PROSER1: variants seen among roughly 807,000 people sequenced by gnomAD.
PROSER1 encodes proline and serine-rich protein 1.
Under a neutral mutation model 71.8 loss-of-function variants are expected in PROSER1, and 36 were observed. That is an observed-to-expected ratio of 0.50 (90% confidence interval 0.38 to 0.66). The LOEUF is 0.66. PROSER1 is among the 30% of genes least tolerant of loss of function. The pLI, the probability that PROSER1 is intolerant of heterozygous loss-of-function variation, is 0.00. For missense variants in PROSER1, 1,107 were observed against 1,135.0 expected (o/e 0.98, Z 0.35); for synonymous variants, 490 against 452.4 (o/e 1.08, Z -1.06).
rs570233740 is a variant in PROSER1 at position 39,037,996 on chromosome 13, C to G, written c.-754G>C. Reference sequence around the variant, plus strand: ...CGCCAGACGCCCTGCCTGGTTACCCCTACAGCCCCCACCAGCTCATGGGGA... The same window carrying G: ...CGCCAGACGCCCTGCCTGGTTACCCGTACAGCCCCCACCAGCTCATGGGGA... On this transcript the variant is annotated 5_prime_UTR_variant, in exon 1 of 13. It removes the in-frame stop codon of an upstream open reading frame in the 5' UTR. Transcript: ENST00000352251. The G allele has an allele frequency of 6.5e-6, 1 of 152,964 alleles. No individual in the cohort carries two copies. The highest frequency in any genetic ancestry group is 1.9e-4 in the East Asian group (1 of 5,174). 9.5% of individuals were successfully genotyped at this position (152,964 alleles called of 1,614,324 possible).
chr13:39,024,146 TCACTAA>T (rs1445906950), intron 7 of PROSER1, among the ~76,000 whole-genome samples: 5 of 152,196 alleles, frequency 3.3e-5, no homozygotes, highest in African/African-American at 4.8e-5. Flanking sequence ...CACTGTGGTT[TCACTAA>T]CACTAATTCA....
Position 39,024,495 on chromosome 13 carries a change from C to T in PROSER1, c.542G>A (p.Arg181Gln), listed in dbSNP as rs776374774. 21 of 1,608,966 alleles carry T rather than the reference C, an allele frequency of 1.3e-5. No homozygotes were observed. In the South Asian group the frequency reaches 1.4e-4, roughly 11 times the overall value. ...CTNEGKGIAA[R>Q]ILGPSKPPPS... ...TACTGGTTTGGATGGCCCAAGAATT[C>T]GTGCAGCTATTCCTTTGCCTTCGTT... Residue 181 changes from arginine (R) to glutamine (Q), a missense_variant, in exon 7 of 13, where the codon CGA (arginine) becomes CAA (glutamine). Arg to Gln is a conservative substitution (Grantham distance 43, BLOSUM62 1). Coordinates refer to ENST00000352251, the MANE Select transcript of PROSER1 (RefSeq NM_025138.5).
rs1402155872 is a variant in PROSER1 at position 39,012,681 on chromosome 13, A to G, written c.2561+10T>C. On this transcript the variant is annotated intron_variant, in intron 11 of 12. Coordinates refer to ENST00000352251, the MANE Select transcript of PROSER1 (RefSeq NM_025138.5). ...AATAATTTTATCCTATTTCCAAACTATCCACATACCCGGCTTGTGCAACAA... is the reference window on the plus strand; with the variant it reads ...AATAATTTTATCCTATTTCCAAACTGTCCACATACCCGGCTTGTGCAACAA... 2 of 1,531,886 alleles carry G rather than the reference A, an allele frequency of 1.3e-6. No individual in the cohort carries two copies. Among genetic ancestry groups the G allele is most frequent in the South Asian group, 1.3e-5 (1 of 79,018 alleles). The allele number at this position is 1,531,886 out of a possible 1,614,324, so 94.9% of individuals were successfully genotyped here.
Position 39,037,627 on chromosome 13 carries a change from C to A in PROSER1, c.-385G>T, listed in dbSNP as rs558229332. 65 of 172,856 alleles carry A rather than the reference C, an allele frequency of 3.8e-4. No homozygotes were observed. Among genetic ancestry groups the A allele is most frequent in the African/African-American group, 1.5e-3 (65 of 42,178 alleles). The allele number at this position is 172,856 out of a possible 1,614,324, so 10.7% of individuals were successfully genotyped here. A position where few individuals can be genotyped will look rare whatever the true frequency, so the allele number is the denominator to read the frequency against. ...TGCCGCCAGAGGTAGCTCTTGAAGG[C>A]GCTTTCCCAGGTGGAGCGGCCGGCA... On this transcript the variant is annotated 5_prime_UTR_variant, in exon 1 of 13. Transcript: ENST00000352251.
chr13:39,012,857 C>T lies in PROSER1; in HGVS notation c.2395G>A (p.Val799Ile), dbSNP rs760578951. ...PGFSVSNTPS[V>I]TPALPSFPGL... ...GGGAATGAGGGAAGAGCAGGGGTAACGCTTGGGGTATTAGAGACAGAAAAG... is the reference window on the plus strand; with the variant it reads ...GGGAATGAGGGAAGAGCAGGGGTAATGCTTGGGGTATTAGAGACAGAAAAG... The change falls in exon 11 of 13, where the codon GTT becomes ATT. Residue 799 changes from valine (V) to isoleucine (I), a missense_variant. Physicochemically the swap from Val to Ile is conservative, Grantham distance 29. Coordinates refer to ENST00000352251, the MANE Select transcript of PROSER1 (RefSeq NM_025138.5). The T allele has an allele frequency of 2.0e-5, 33 of 1,613,940 alleles. No individual in the cohort carries two copies. The highest frequency in any genetic ancestry group is 3.3e-4 in the Middle Eastern group (2 of 6,084).
At chr13:39,025,182 C>G (rs761220603) in intron 6 of PROSER1, among the ~76,000 whole-genome samples, 1 of 152,008 alleles carries the variant, frequency 6.6e-6, no homozygotes, top group Admixed American at 6.5e-5. Context: ...AAATGGTGTT[C>G]TCTATAAAGA....
At chr13:39,029,919 G>A (rs1042938964) in intron 3 of PROSER1, among the ~76,000 whole-genome samples, 2 of 152,274 alleles carry the variant, frequency 1.3e-5, no homozygotes, top group South Asian at 2.1e-4. Context: ...GCATTGTGAT[G>A]CACCAAGATT....
At chr13:39,011,997 A>G (rs1386444856) in intron 12 of PROSER1, 86 bp downstream of exon 12, 1 of 1,346,986 alleles carries the variant, frequency 7.4e-7, no homozygotes, top group Non-Finnish European at 1.0e-6. Flanking sequence ...CAATGTTGGG[A>G]TATCGCAAAT....
intron 4 of PROSER1, 172 bp downstream of exon 4, chr13:39,029,109 C>T (rs1306546809): frequency 4.5e-6 from 2 of 444,158 alleles, no homozygotes; most frequent in East Asian, 7.2e-5. Flanking sequence ...AAGTTATAGT[C>T]ATATATGTAA....
Position 39,012,785 on chromosome 13 carries a change from C to G in PROSER1, c.2467G>C (p.Val823Leu), listed in dbSNP as rs1455407839. ...STVAAVTPLP[V>L]AATAPSPAPV... Reference sequence around the variant, plus strand: ...GCTGGGGATGGGGCTGTGGCAGCCACAGGTAGTGGTGTGACAGCTGCGACT... The same window carrying G: ...GCTGGGGATGGGGCTGTGGCAGCCAGAGGTAGTGGTGTGACAGCTGCGACT... The change falls in exon 11 of 13, where the codon GTG (valine) becomes CTG (leucine). Residue 823 changes from valine (V) to leucine (L), a missense_variant. Coordinates refer to ENST00000352251, the MANE Select transcript of PROSER1 (RefSeq NM_025138.5). The G allele has an allele frequency of 3.1e-6, 5 of 1,614,090 alleles. No individual in the cohort carries two copies. Among genetic ancestry groups the G allele is most frequent in the Non-Finnish European group, 2.5e-6 (3 of 1,180,012 alleles).
intron 6 of PROSER1, among the ~76,000 whole-genome samples, chr13:39,025,445 A>C (rs1312515407): frequency 2.0e-5 from 3 of 152,154 alleles, no homozygotes; most frequent in Non-Finnish European, 2.9e-5. Flanking sequence ...GGGACATTGC[A>C]GAAAGGATGG....
intron 9 of PROSER1, among the ~76,000 whole-genome samples, chr13:39,022,064 A>G (rs1870315886): frequency 6.6e-6 from 1 of 152,206 alleles, no homozygotes; most frequent in South Asian, 2.1e-4. Context: ...AGCACACAAC[A>G]CATGATAGGG....
chr13:39,016,343 G>A (rs17058982), intron 10 of PROSER1, among the ~76,000 whole-genome samples: 3,750 of 152,218 alleles, frequency 0.025, 151 homozygotes, highest in African/African-American at 0.087. Context: ...TGGGCAATCT[G>A]AGGCTTGCTA....
chr13:39,015,582 G>A (rs1416589120), intron 10 of PROSER1, among the ~76,000 whole-genome samples: 1 of 152,090 alleles, frequency 6.6e-6, no homozygotes, highest in Non-Finnish European at 1.5e-5. Context: ...TCATAGATGG[G>A]AAGGGACAAT....
In PROSER1 at chr13:39,013,368, G is replaced by A. The variant is rs779602574; in HGVS notation, c.1884C>T (p.Pro628=). The A allele has an allele frequency of 8.1e-6, 13 of 1,614,068 alleles. No individual in the cohort carries two copies. The highest frequency in any genetic ancestry group is 8.5e-7 in the Non-Finnish European group (1 of 1,180,048). Residue 628 remains proline, a synonymous_variant, in exon 11 of 13, where the codon CCC becomes CCT. Coordinates refer to ENST00000352251, the MANE Select transcript of PROSER1 (RefSeq NM_025138.5). ...AFKGPSHSGN[P]SHGTLGLSGT... Reference sequence around the variant, plus strand: ...CTGACAAACCTAAAGTGCCATGAGAGGGATTCCCAGAATGAGATGGACCTT... The same window carrying A: ...CTGACAAACCTAAAGTGCCATGAGAAGGATTCCCAGAATGAGATGGACCTT...
At chr13:39,022,186 C>G (rs935148787) in intron 9 of PROSER1, 140 bp downstream of exon 9, 1 of 645,898 alleles carries the variant, frequency 1.5e-6, no homozygotes. Context: ...TCCCACATTA[C>G]CAAGGATTCA....
At chr13:39,026,220 C>A in intron 6 of PROSER1, 57 bp downstream of exon 6, 1 of 1,098,600 alleles carries the variant, frequency 9.1e-7, no homozygotes, top group East Asian at 2.4e-5. Flanking sequence ...TTAACTTATT[C>A]TACACTTCAT....
At chr13:39,030,536 C>T (rs899102315) in intron 3 of PROSER1, among the ~76,000 whole-genome samples, 4 of 152,120 alleles carry the variant, frequency 2.6e-5, no homozygotes, top group African/African-American at 7.2e-5. Flanking sequence ...TTCCCCCTGC[C>T]GCAGCCTCCT....
rs1259178337 is a variant in PROSER1 at position 39,024,562 on chromosome 13, A to T, written c.481-6T>A. 4.8e-5 allele frequency: 12 copies of T among 248,126 alleles called. No individual in the cohort carries two copies. The highest frequency in any genetic ancestry group is 8.9e-5 in the African/African-American group (2 of 22,430). The allele number at this position is 248,126 out of a possible 1,614,324, so 15.4% of individuals were successfully genotyped here. ...TCTTTTTTCAAAGGAGTTCCCTATT[A>T]AAAAAAAAAAAAAAAGGTAATTGAA... is the stretch of plus-strand genomic sequence containing the variant. On this transcript the variant is annotated splice_polypyrimidine_tract_variant and splice_region_variant and intron_variant, in intron 6 of 12. Coordinates refer to ENST00000352251, the MANE Select transcript of PROSER1 (RefSeq NM_025138.5).
Sources: gnomAD v4.1 joint callset for allele counts (sites outside exome capture counted in the v4.1 genomes callset) on GRCh38, gnomAD v4.1.1 for gene constraint, MANE v1.5 for transcripts, NCBI Gene and HGNC (gene_info 2026-07-23, HGNC 2026-07-21) for gene names.